Variants in MSH6 observed in about 807,000 individuals in gnomAD.
The protein encoded by MSH6 is mutS homolog 6.
In MSH6, 85 loss-of-function variants were observed where a neutral mutation model predicts 119.1. The ratio of observed to expected loss-of-function variants is 0.71; its 90% CI spans 0.60 to 0.85. The LOEUF is 0.85. Among genes scored for constraint, MSH6 ranks in the 40% least tolerant of loss-of-function variants. MSH6 has a pLI of 0.00. For missense variants in MSH6, 2,163 were observed against 1,655.3 expected, an observed-to-expected ratio of 1.31 and a Z score of -5.32; for synonymous variants, 830 against 586.9, an observed-to-expected ratio of 1.41 and a Z score of -5.99.
At chr2:47,795,026 C>G (rs1314761343) in intron 2 of MSH6, among the ~76,000 whole-genome samples, 1 of 152,050 alleles carries the variant, frequency 6.6e-6, no homozygotes, top group East Asian at 1.9e-4. Context: ...AACTCCTGAC[C>G]TCGTGATCTG....
At chr2:47,791,710 A>C (rs1283046845) in intron 2 of MSH6, among the ~76,000 whole-genome samples, 3 of 131,124 alleles carry the variant, frequency 2.3e-5, no homozygotes, top group Admixed American at 8.9e-5. Flanking sequence ...ACAGAGTCTC[A>C]CTCTGTTGCC....
At position 47,783,222 on chromosome 2, in the gene MSH6, C is replaced by G. The variant is rs766407370; in HGVS notation, c.-12C>G. On this transcript the variant is annotated 5_prime_UTR_variant, in exon 1 of 10. Coordinates refer to ENST00000234420, the MANE Select transcript of MSH6 (RefSeq NM_000179.3). ...CGTCCGACAGAACGGTTGGGCCTTG[C>G]CGGCTGTCGGTATGTCGCGACAGAG... is the stretch of plus-strand genomic sequence containing the variant. 25 of 1,611,042 alleles carry G rather than the reference C, an allele frequency of 1.6e-5. No individual in the cohort carries two copies. Among genetic ancestry groups the G allele is most frequent in the Non-Finnish European group, 2.1e-5 (25 of 1,179,292 alleles).
downstream of MSH6, chr2:47,810,046 T>C (rs1288859602): frequency 4.0e-6 from 2 of 497,202 alleles, no homozygotes; most frequent in East Asian, 6.7e-5. Context: ...TCTGTATTCC[T>C]AGTGGTAATA....
Position 47,799,562 on chromosome 2 carries a change from C to T in MSH6, c.1579C>T (p.Leu527=), listed in dbSNP as rs1553412969. The change falls in exon 4 of 10, where the codon CTG becomes TTG. Residue 527 remains leucine (L), a synonymous_variant. Coordinates refer to ENST00000234420, the MANE Select transcript of MSH6 (RefSeq NM_000179.3). ...CAAGGGTACACAGACTTACAGTGTG[C>T]TGGAAGGTGATCCCTCTGAGAACTA... ...ITKGTQTYSV[L]EGDPSENYSK... is the part of the protein sequence containing the mutation. 1 of 1,613,988 alleles carries T rather than the reference C, an allele frequency of 6.2e-7. No individual in the cohort carries two copies. Among genetic ancestry groups the T allele is most frequent in the Non-Finnish European group, 8.5e-7 (1 of 1,180,028 alleles).
chr2:47,783,781 G>C, intron 1 of MSH6: 1 of 536,744 alleles, frequency 1.9e-6, no homozygotes, highest in Non-Finnish European at 2.7e-6. Flanking sequence ...CCCGCCAGGT[G>C]GGGGTGCTGG....
intron 5 of MSH6, 22 bp downstream of exon 5, chr2:47,803,707 G>A (rs1669777786): frequency 1.2e-6 from 2 of 1,613,858 alleles, no homozygotes; most frequent in Non-Finnish European, 1.7e-6. Context: ...TTAAAGTTTT[G>A]TTATCAGAAA....
chr2:47,797,115 G>A (rs1361103147), intron 3 of MSH6, among the ~76,000 whole-genome samples: 1 of 152,196 alleles, frequency 6.6e-6, no homozygotes, highest in Non-Finnish European at 1.5e-5. Flanking sequence ...GTGATTTGTT[G>A]TTGTTGTTTA....
intron 1 of MSH6, among the ~76,000 whole-genome samples, chr2:47,788,917 T>TTG (rs1668539090): frequency 1.7e-5 from 1 of 57,880 alleles, no homozygotes; most frequent in Non-Finnish European, 3.7e-5. Context: ...CTTTTTTTTT[T>TTG]TTTTGTTTTT....
chr2:47,795,422 ATGTGTG>A (rs10699372), intron 2 of MSH6, among the ~76,000 whole-genome samples: 33 of 141,716 alleles, frequency 2.3e-4, no homozygotes, highest in South Asian at 6.6e-4. Flanking sequence ...AAGTTATTTT[ATGTGTG>A]TGTGTGTGTG....
Position 47,783,223 on chromosome 2 carries a change from C to T in MSH6, c.-11C>T, listed in dbSNP as rs1225209597. ...GTCCGACAGAACGGTTGGGCCTTGCCGGCTGTCGGTATGTCGCGACAGAGC... is the reference window on the plus strand; with the variant it reads ...GTCCGACAGAACGGTTGGGCCTTGCTGGCTGTCGGTATGTCGCGACAGAGC... On this transcript the variant is annotated 5_prime_UTR_variant, in exon 1 of 10. Coordinates refer to ENST00000234420, the MANE Select transcript of MSH6 (RefSeq NM_000179.3). 1.2e-6 allele frequency: 2 copies of T among 1,611,194 alleles called. No homozygotes were observed. The highest frequency in any genetic ancestry group is 2.2e-5 in the East Asian group (1 of 44,640).
chr2:47,804,911 C>G lies in MSH6; in HGVS notation c.3440C>G (p.Ala1147Gly), dbSNP rs876659975. 1.2e-6 allele frequency: 2 copies of G among 1,612,722 alleles called. No homozygotes were observed. The highest frequency in any genetic ancestry group is 1.7e-6 in the Non-Finnish European group (2 of 1,178,704). ...GACCTTTTCCTCCCTCATTCACAGG[C>G]TGGCTTATTAGCTGTAATGGCCCAG... ...MGGKSTLMRQ[A>G]GLLAVMAQMG... The change falls in exon 6 of 10, where the codon GCT (alanine) becomes GGT (glycine). Residue 1147 changes from alanine to glycine, a missense_variant and splice_region_variant. Ala to Gly is a moderately conservative substitution (Grantham distance 60, BLOSUM62 0). Transcript: ENST00000234420.
downstream of MSH6, chr2:47,807,019 G>A (rs1422772172): frequency 9.2e-6 from 6 of 654,922 alleles, no homozygotes; most frequent in African/African-American, 1.8e-5. Context: ...CTACATAATG[G>A]TTATTGAATA....
rs1558662820 is a variant in MSH6, at chr2:47,799,736, C to G, written c.1753C>G (p.Leu585Val). The G allele has an allele frequency of 1.2e-6, 2 of 1,614,152 alleles. No homozygotes were observed. The highest frequency in any genetic ancestry group is 1.7e-6 in the Non-Finnish European group (2 of 1,180,032). Residue 585 changes from leucine (L) to valine (V), a missense_variant, in exon 4 of 10, where the codon CTA becomes GTA. By Grantham distance (32) the Leu-to-Val change is conservative. Coordinates refer to ENST00000234420, the MANE Select transcript of MSH6 (RefSeq NM_000179.3). ...TCGCCATTGTTCGAGATTTAGGACT[C>G]TAGTGGCACACTATCCCCCAGTACA... is the stretch of plus-strand genomic sequence containing the variant. ...DDRHCSRFRT[L>V]VAHYPPVQVL...
rs1668150477 is a variant in MSH6, at chr2:47,783,602, G to A, written c.260+109G>A. ...TTGGGGGGGTGCACGGCCTGGCCCT[G>A]GGCTCGGAGGAGGCGGGGCCGCAGA... On this transcript the variant is annotated intron_variant, in intron 1 of 9. Transcript: ENST00000234420. 8 of 1,160,854 alleles carry A rather than the reference G, an allele frequency of 6.9e-6. No individual in the cohort carries two copies. In the South Asian group the frequency reaches 1.5e-4, roughly 22 times the overall value. 71.9% of individuals were successfully genotyped at this position (1,160,854 alleles called of 1,614,324 possible).
intron 3 of MSH6, among the ~76,000 whole-genome samples, chr2:47,797,437 CAAAT>C (rs1298696937): frequency 6.6e-6 from 1 of 152,204 alleles, no homozygotes. Context: ...ACTGGTTTAA[CAAAT>C]AATCCGGGAG....
chr2:47,801,242 G>GTA, intron 4 of MSH6, 87 bp downstream of exon 4: 1 of 1,368,686 alleles, frequency 7.3e-7, no homozygotes, highest in Non-Finnish European at 1.0e-6. Flanking sequence ...AAGTAATAAG[G>GTA]TATATATGGT....
downstream of MSH6, chr2:47,809,763 C>T: frequency 2.6e-6 from 3 of 1,166,996 alleles, no homozygotes; most frequent in Non-Finnish European, 3.8e-6. Context: ...TTCTTAAAAA[C>T]CTGAAATTAG....
intron 6 of MSH6, 114 bp from the exon 7 acceptor site, chr2:47,805,504 T>G: frequency 1.2e-6 from 1 of 802,564 alleles, no homozygotes; most frequent in South Asian, 1.4e-5. Context: ...CTTAATGAGA[T>G]TTAATCTTTT....
At chr2:47,803,240 C>A (rs977370779) in intron 4 of MSH6, among the ~76,000 whole-genome samples, 180 bp from the exon 5 acceptor site, 1 of 152,114 alleles carries the variant, frequency 6.6e-6, no homozygotes, top group Non-Finnish European at 1.5e-5. Context: ...TTTAGCTTTC[C>A]CTTGGCACTT....
Sources: gnomAD v4.1 joint callset for allele counts (sites outside exome capture counted in the v4.1 genomes callset) on GRCh38, gnomAD v4.1.1 for gene constraint, MANE v1.5 for transcripts, NCBI Gene and HGNC (gene_info 2026-07-23, HGNC 2026-07-21) for gene names.